Variants in OSBPL6 observed in about 807,000 individuals in gnomAD.
OSBPL6 encodes oxysterol-binding protein-related protein 6.
Under a neutral mutation model 125.8 loss-of-function variants are expected in OSBPL6, and 49 were observed. The ratio of observed to expected loss-of-function variants is 0.39; its 90% CI spans 0.31 to 0.49. The LOEUF is 0.49. Among genes scored for constraint, OSBPL6 ranks in the 20% least tolerant of loss-of-function variants. The pLI, the probability that OSBPL6 is intolerant of heterozygous loss-of-function variation, is 0.88. For missense variants in OSBPL6, 986 were observed against 1,135.4 expected (o/e 0.87, Z 1.89); for synonymous variants, 394 against 391.8 (o/e 1.01, Z -0.07).
rs115795565 is a variant in OSBPL6 at position 178,301,973 on chromosome 2, G to T, written c.-155-4057G>T. 1.9e-3 allele frequency among the ~76,000 whole-genome samples: 285 copies of T among 152,314 alleles called. 4 individuals carry two copies. Among genetic ancestry groups the T allele is most frequent in the African/African-American group, 6.6e-3 (275 of 41,566 alleles). ...CCTTGATTTATCAGCCTTCAGGACT[G>T]TGAGAAAGACATTTGGGGCTTGGTT... On this transcript the variant is annotated intron_variant, in intron 2 of 24. Transcript: ENST00000190611.
At chr2:178,281,637 A>C (rs1439747681) in intron 1 of OSBPL6, among the ~76,000 whole-genome samples, 1 of 152,112 alleles carries the variant, frequency 6.6e-6, no homozygotes, top group African/African-American at 2.4e-5. Flanking sequence ...GTATTTGATC[A>C]TGTCCTTTGC....
At chr2:178,259,732 T>G (rs373025557) in intron 1 of OSBPL6, among the ~76,000 whole-genome samples, 2 of 152,216 alleles carry the variant, frequency 1.3e-5, no homozygotes, top group African/African-American at 2.4e-5. Flanking sequence ...ATGAACTAAT[T>G]TATAACTGCC....
chr2:178,193,801 G>C (rs2088661193), upstream of OSBPL6, among the ~76,000 whole-genome samples: 1 of 152,194 alleles, frequency 6.6e-6, no homozygotes, highest in African/African-American at 2.4e-5. Flanking sequence ...TAGTGAGGCG[G>C]GACTGACTGA....
intron 2 of OSBPL6, among the ~76,000 whole-genome samples, chr2:178,293,917 T>C (rs912443115): frequency 6.6e-6 from 1 of 152,136 alleles, no homozygotes; most frequent in Non-Finnish European, 1.5e-5. Flanking sequence ...AGTGAACCTC[T>C]AAATTTTATA....
intron 11 of OSBPL6, among the ~76,000 whole-genome samples, chr2:178,342,027 A>G (rs13402976): frequency 0.2 from 31,106 of 152,014 alleles, 3,580 homozygotes; most frequent in African/African-American, 0.3. Context: ...AAAGATACCC[A>G]CCACTTTCTC....
At chr2:178,357,865 A>C (rs1026275923) in intron 12 of OSBPL6, among the ~76,000 whole-genome samples, 6 of 152,252 alleles carry the variant, frequency 3.9e-5, no homozygotes, top group African/African-American at 1.4e-4. Flanking sequence ...CTGGATTAAG[A>C]AAATGTGGCA....
rs753925455 is a variant in OSBPL6, at chr2:178,387,157, C to G, written c.2156+18C>G. ...CTTCCAAAGTAGGTGACTCACACCTCCCTTTTGGCCTCTTGTCTGCTTTTC... is the reference window on the plus strand; with the variant it reads ...CTTCCAAAGTAGGTGACTCACACCTGCCTTTTGGCCTCTTGTCTGCTTTTC... On this transcript the variant is annotated intron_variant, in intron 20 of 24. Coordinates refer to ENST00000190611, the MANE Select transcript of OSBPL6 (RefSeq NM_032523.4). 10 of 1,565,042 alleles carry G rather than the reference C, an allele frequency of 6.4e-6. No homozygotes were observed. Among genetic ancestry groups the G allele is most frequent in the Non-Finnish European group, 8.8e-6 (10 of 1,137,146 alleles).
intron 1 of OSBPL6, among the ~76,000 whole-genome samples, chr2:178,260,760 C>A (rs2092031337): frequency 6.6e-6 from 1 of 152,188 alleles, no homozygotes; most frequent in Non-Finnish European, 1.5e-5. Context: ...ATCGTTACTT[C>A]TTTTCTGTCA....
chr2:178,387,229 C>A, intron 20 of OSBPL6, 90 bp downstream of exon 20: 1 of 1,038,550 alleles, frequency 9.6e-7, no homozygotes, highest in Non-Finnish European at 1.4e-6. Flanking sequence ...GTAAGGGTTT[C>A]TTTCTCTTTA....
At chr2:178,209,616 C>T (rs1272989153) in intron 1 of OSBPL6, among the ~76,000 whole-genome samples, 1 of 151,978 alleles carries the variant, frequency 6.6e-6, no homozygotes, top group Non-Finnish European at 1.5e-5. Context: ...AGTTTTTCCT[C>T]AGATATCTGG....
intron 1 of OSBPL6, among the ~76,000 whole-genome samples, chr2:178,238,083 C>G (rs1364916359): frequency 6.6e-6 from 1 of 152,230 alleles, no homozygotes; most frequent in Non-Finnish European, 1.5e-5. Context: ...TGGTATTCAT[C>G]TCATGTATTC....
At chr2:178,216,498 G>T (rs1321134320) in intron 1 of OSBPL6, among the ~76,000 whole-genome samples, 1 of 152,102 alleles carries the variant, frequency 6.6e-6, no homozygotes. Flanking sequence ...AATAAGCGGA[G>T]GTGAGAGAGA....
intron 1 of OSBPL6, among the ~76,000 whole-genome samples, chr2:178,204,214 TG>T (rs1290930217): frequency 1.3e-5 from 2 of 151,644 alleles, no homozygotes; most frequent in Non-Finnish European, 2.9e-5. Flanking sequence ...GTAGAGAGGG[TG>T]GTTACACCAT....
intron 1 of OSBPL6, among the ~76,000 whole-genome samples, chr2:178,255,290 A>G (rs1448927345): frequency 1.3e-5 from 2 of 152,262 alleles, no homozygotes; most frequent in Non-Finnish European, 2.9e-5. Flanking sequence ...GCCACGCAAC[A>G]GGGCGAGACT....
rs1466082643 is a variant in OSBPL6, at chr2:178,233,726, A to C, written c.-351+39052A>C. On this transcript the variant is annotated intron_variant, in intron 1 of 24. Transcript: ENST00000190611. ...CTTTGGCATCAGAAGGGATCTGGCC[A>C]TGGACAGGCTATTTAATCTCACTAT... Among the ~76,000 whole-genome samples the C allele has an allele frequency of 2.0e-5, 3 of 152,218 alleles. No homozygotes were observed. The East Asian group carries it at 5.8e-4, about 29-fold the overall frequency.
chr2:178,358,622 G>C (rs1189652963), intron 12 of OSBPL6, among the ~76,000 whole-genome samples: 1 of 152,088 alleles, frequency 6.6e-6, no homozygotes, highest in African/African-American at 2.4e-5. Context: ...AGACCTAAAT[G>C]TAAGACCTGA....
At chr2:178,212,838 T>C (rs2089922383) in intron 1 of OSBPL6, among the ~76,000 whole-genome samples, 1 of 151,956 alleles carries the variant, frequency 6.6e-6, no homozygotes, top group African/African-American at 2.4e-5. Context: ...AGATGAGTCT[T>C]TCTTTGTCAC....
intron 2 of OSBPL6, among the ~76,000 whole-genome samples, chr2:178,300,657 C>T (rs948974026): frequency 4.6e-5 from 7 of 152,154 alleles, no homozygotes; most frequent in African/African-American, 7.2e-5. Context: ...GACAGGGTTT[C>T]GCCATGTTGG....
chr2:178,353,251 G>A (rs967940394), intron 12 of OSBPL6, among the ~76,000 whole-genome samples: 3 of 152,214 alleles, frequency 2.0e-5, no homozygotes, highest in African/African-American at 7.2e-5. Flanking sequence ...TGACTTTGAT[G>A]AGTTGGCATA....
Sources: gnomAD v4.1 joint callset for allele counts (sites outside exome capture counted in the v4.1 genomes callset) on GRCh38, gnomAD v4.1.1 for gene constraint, MANE v1.5 for transcripts, NCBI Gene and HGNC (gene_info 2026-07-23, HGNC 2026-07-21) for gene names.